The following WDR7 variants were observed in gnomAD, a reference collection of about 807,000 sequenced individuals.
WDR7 encodes the protein WD repeat domain 7, also known as WD repeat-containing protein 7.
In WDR7, 46 loss-of-function variants were observed where a neutral mutation model predicts 169.4. The observed-to-expected ratio is 0.27, with a 90% confidence interval of 0.21 to 0.35. WDR7 has a LOEUF of 0.35. Ranked by LOEUF, WDR7 falls within the 10% of genes least tolerant of loss-of-function variation. The probability of loss-of-function intolerance (pLI) is 1.00; values close to 1 mark genes in which losing one functional copy is unlikely to be tolerated. For synonymous variants in WDR7, 612 were observed against 666.8 expected (o/e 0.92, Z 1.27); for missense variants, 1,534 against 1,859.3 (o/e 0.83, Z 3.22).
intron 23 of WDR7, chr18:56,936,250 A>G (rs1427065470): frequency 5.3e-6 from 1 of 190,342 alleles, no homozygotes; most frequent in East Asian, 1.3e-4. Context: ...ACTTGTCATC[A>G]AAACTAAACT....
Position 56,685,977 on chromosome 18 carries a change from C to A in WDR7, c.542C>A (p.Ser181Ter). 1.2e-6 allele frequency: 2 copies of A among 1,602,206 alleles called. No individual in the cohort carries two copies. The highest frequency in any genetic ancestry group is 1.1e-5 in the South Asian group (1 of 89,184). Residue 181 changes from serine (S) to a stop codon, truncating the protein, a stop_gained, in exon 6 of 28, where the codon TCG becomes TAG. Transcript: ENST00000254442. LOFTEE classifies it high-confidence loss of function. ...RTQEDTVVAL[S>*]VTGILKVWIV... ...TTAGAGGACACAGTGGTAGCACTCT[C>A]GGTGACTGGCATCCTGAAGGTCTGG... is the stretch of plus-strand genomic sequence containing the variant.
chr18:56,893,692 A>G (rs1259516179), intron 21 of WDR7, among the ~76,000 whole-genome samples: 1 of 152,090 alleles, frequency 6.6e-6, no homozygotes, highest in Non-Finnish European at 1.5e-5. Context: ...AAATCAATAA[A>G]TGTATGGCTC....
At chr18:56,983,254 A>C (rs376639216) in intron 26 of WDR7, among the ~76,000 whole-genome samples, 1 of 152,136 alleles carries the variant, frequency 6.6e-6, no homozygotes, top group Non-Finnish European at 1.5e-5. Flanking sequence ...TTTTTTACTA[A>C]ATACCTTTAG....
At chr18:56,915,077 G>T (rs1243928161) in intron 21 of WDR7, among the ~76,000 whole-genome samples, 1 of 152,192 alleles carries the variant, frequency 6.6e-6, no homozygotes. Flanking sequence ...AACAGTTATT[G>T]TATGCTTTCC....
intron 25 of WDR7, among the ~76,000 whole-genome samples, chr18:56,960,853 A>G (rs1294541425): frequency 6.6e-6 from 1 of 152,084 alleles, no homozygotes; most frequent in Non-Finnish European, 1.5e-5. Context: ...GAAGCTTCAT[A>G]TGTTTTAGGA....
At chr18:56,830,421 T>C (rs1328079162) in intron 20 of WDR7, among the ~76,000 whole-genome samples, 1 of 152,204 alleles carries the variant, frequency 6.6e-6, no homozygotes, top group Non-Finnish European at 1.5e-5. Flanking sequence ...AATGCCCTCA[T>C]TATTTTCTCA....
rs1244226599 is a variant in WDR7 at position 56,731,559 on chromosome 18, C to G, written c.1951C>G (p.Leu651Val). The change falls in exon 14 of 28, where the codon CTT becomes GTT. Residue 651 changes from leucine (L) to valine (V), a missense_variant. Coordinates refer to ENST00000254442, the MANE Select transcript of WDR7 (RefSeq NM_015285.3). The stretch of plus-strand genomic sequence containing the variant: ...TATGGCCCATCATAAGCTACAAACC[C>G]TTGCAACTAACCTCTTGGCTTCTGA... ...KNMAHHKLQT[L>V]ATNLLASEAS... The G allele has an allele frequency of 6.2e-7, 1 of 1,614,048 alleles. No individual in the cohort carries two copies. The highest frequency in any genetic ancestry group is 1.7e-5 in the Admixed American group (1 of 60,012).
intron 22 of WDR7, among the ~76,000 whole-genome samples, chr18:56,934,465 T>C (rs1170394621): frequency 2.0e-5 from 3 of 151,910 alleles, no homozygotes; most frequent in African/African-American, 7.3e-5. Context: ...TATGTGTGTG[T>C]TCTCTCAGCT....
At chr18:56,751,305 C>T (rs913234146) in intron 14 of WDR7, among the ~76,000 whole-genome samples, 7 of 152,188 alleles carry the variant, frequency 4.6e-5, no homozygotes, top group African/African-American at 1.7e-4. Flanking sequence ...GTGGGGTTGA[C>T]ACCAGGTGAG....
chr18:56,980,659 G>T (rs1412529704), intron 26 of WDR7, among the ~76,000 whole-genome samples: 3 of 152,214 alleles, frequency 2.0e-5, no homozygotes, highest in African/African-American at 7.2e-5. Context: ...AGAACTAAAA[G>T]GATGATGTCC....
chr18:56,682,729 C>G lies in WDR7; in HGVS notation c.396C>G (p.His132Gln). The change falls in exon 5 of 28, where the codon CAC becomes CAG. Residue 132 changes from histidine to glutamine, a missense_variant. By Grantham distance (24) the His-to-Gln change is conservative. Transcript: ENST00000254442. ...GNQREGRLLCHGHYPEILVVD... is the reference protein window; with the variant it reads ...GNQREGRLLCQGHYPEILVVD... ...AGCGAGAAGGAAGGCTTTTATGCCA[C>G]GGACATTACCCTGAAATCCTTGTTG... 6.2e-7 allele frequency: 1 copy of G among 1,613,824 alleles called. No homozygotes were observed. Among genetic ancestry groups the G allele is most frequent in the South Asian group, 1.1e-5 (1 of 91,060 alleles).
At chr18:56,950,965 G>C (rs1195923840) in intron 25 of WDR7, among the ~76,000 whole-genome samples, 1 of 152,124 alleles carries the variant, frequency 6.6e-6, no homozygotes, top group African/African-American at 2.4e-5. Context: ...AATTCTGTAG[G>C]CTCAGGGCCC....
chr18:57,036,366 ATCC>A, the WDR7 span: 1 of 152,234 alleles, frequency 6.6e-6, no homozygotes, highest in Non-Finnish European at 1.5e-5. Flanking sequence ...TCAAGGCCAC[ATCC>A]TCCTCCCTAA....
chr18:56,736,111 A>T (rs2026693286), intron 14 of WDR7, among the ~76,000 whole-genome samples: 2 of 152,136 alleles, frequency 1.3e-5, no homozygotes, highest in African/African-American at 4.8e-5. Context: ...GGTAAACTCC[A>T]GTGGTGTCCT....
chr18:56,831,100 C>T (rs1016660713), intron 20 of WDR7, among the ~76,000 whole-genome samples: 2 of 152,154 alleles, frequency 1.3e-5, no homozygotes, highest in Non-Finnish European at 2.9e-5. Flanking sequence ...TGTAGGAGTT[C>T]ATGATACACC....
intron 24 of WDR7, 144 bp downstream of exon 24, chr18:56,938,826 T>TGTGTGC (rs2046995805): frequency 1.1e-6 from 1 of 899,324 alleles, no homozygotes; most frequent in Admixed American, 3.2e-5. Flanking sequence ...TGTGTGTGTG[T>TGTGTGC]GTGTGTGTGT....
chr18:56,987,957 A>T (rs1000813075), intron 26 of WDR7, among the ~76,000 whole-genome samples: 1 of 152,226 alleles, frequency 6.6e-6, no homozygotes, highest in Non-Finnish European at 1.5e-5. Context: ...TAAATTATTA[A>T]TCATAAATAT....
chr18:56,993,206 T>C (rs2145864086), intron 26 of WDR7, among the ~76,000 whole-genome samples: 1 of 152,326 alleles, frequency 6.6e-6, no homozygotes, highest in Middle Eastern at 3.4e-3. Context: ...TTGGAAATAC[T>C]CAGATTGTTT....
At chr18:56,934,658 A>C (rs2046933697) in intron 22 of WDR7, among the ~76,000 whole-genome samples, 3 of 152,252 alleles carry the variant, frequency 2.0e-5, no homozygotes, top group African/African-American at 7.2e-5. Context: ...TTAACAATGA[A>C]GAGAATGCCT....
Sources: gnomAD v4.1 joint callset for allele counts (sites outside exome capture counted in the v4.1 genomes callset) on GRCh38, gnomAD v4.1.1 for gene constraint, MANE v1.5 for transcripts, NCBI Gene and HGNC (gene_info 2026-07-23, HGNC 2026-07-21) for gene names.